OTOF: variants seen among roughly 807,000 people sequenced by gnomAD.
The protein encoded by OTOF is otoferlin.
OTOF carries 218 observed loss-of-function variants against 236.8 expected under a neutral mutation model. The observed-to-expected ratio is 0.92, with a 90% CI of 0.82 to 1.03. OTOF has a LOEUF of 1.03. Among genes scored for constraint, OTOF ranks in the 50% least tolerant of loss-of-function variants. The pLI, the probability that OTOF is intolerant of heterozygous loss-of-function variation, is 0.00. For missense variants in OTOF, 2,590 were observed against 2,694.4 expected (o/e 0.96, Z 0.86); for synonymous variants, 1,041 against 1,072.5 (o/e 0.97, Z 0.57).
intron 5 of OTOF, among the ~76,000 whole-genome samples, chr2:26,513,299 C>G (rs1455520223): frequency 3.3e-5 from 5 of 152,152 alleles, no homozygotes; most frequent in African/African-American, 1.2e-4. Context: ...AGAGTGAGGA[C>G]AGGATGAATG....
At chr2:26,541,855 C>A (rs1285684647) in intron 1 of OTOF, among the ~76,000 whole-genome samples, 3 of 152,156 alleles carry the variant, frequency 2.0e-5, no homozygotes, top group African/African-American at 7.2e-5. Context: ...TGTTGTGGAT[C>A]GAGTGAGAAG....
chr2:26,530,446 T>A (rs954867104), intron 2 of OTOF, among the ~76,000 whole-genome samples: 1 of 152,084 alleles, frequency 6.6e-6, no homozygotes, highest in Non-Finnish European at 1.5e-5. Flanking sequence ...GTCAGCCGGG[T>A]CTGGGCAGTC....
intron 11 of OTOF, among the ~76,000 whole-genome samples, chr2:26,487,619 T>C (rs1029034002): frequency 6.6e-6 from 1 of 152,194 alleles, no homozygotes; most frequent in African/African-American, 2.4e-5. Context: ...ACCAGGACTT[T>C]ACTACCCAGA....
chr2:26,496,085 C>T (rs1364847394), intron 8 of OTOF, among the ~76,000 whole-genome samples: 1 of 152,156 alleles, frequency 6.6e-6, no homozygotes, highest in African/African-American at 2.4e-5. Flanking sequence ...CTTTATGTGG[C>T]GTCCAGCTCT....
At chr2:26,521,097 C>T (rs1300237039) in intron 3 of OTOF, among the ~76,000 whole-genome samples, 1 of 152,214 alleles carries the variant, frequency 6.6e-6, no homozygotes, top group Admixed American at 6.5e-5. Flanking sequence ...CTGGCCCCGA[C>T]CCCAGGGCTC....
At chr2:26,480,657 G>A (rs2148056683) in intron 15 of OTOF, 129 bp downstream of exon 15, 1 of 769,324 alleles carries the variant, frequency 1.3e-6, no homozygotes, top group Middle Eastern at 3.5e-4. Context: ...CTGGGGAGAA[G>A]CCTTATCCTG....
At position 26,558,230 on chromosome 2, in the gene OTOF, C is replaced by G. The variant is rs556173469; in HGVS notation, c.79+263G>C. Among the ~76,000 whole-genome samples the G allele has an allele frequency of 2.0e-5, 3 of 152,184 alleles. No homozygotes were observed. The South Asian group carries it at 6.2e-4, about 32-fold the overall frequency. ...CTTCTGCCTCCCCAGGCAGAGGGCTCTGTGCCCTGCCCGGGGAACTGGCAT... is the reference window on the plus strand; with the variant it reads ...CTTCTGCCTCCCCAGGCAGAGGGCTGTGTGCCCTGCCCGGGGAACTGGCAT... On this transcript the variant is annotated intron_variant, in intron 1 of 46. Transcript: ENST00000272371.
chr2:26,507,029 C>T (rs1346721261), intron 5 of OTOF, among the ~76,000 whole-genome samples: 3 of 152,198 alleles, frequency 2.0e-5, no homozygotes, highest in Non-Finnish European at 4.4e-5. Flanking sequence ...GTCCAACTAT[C>T]TCTACTACAC....
intron 2 of OTOF, among the ~76,000 whole-genome samples, chr2:26,530,614 C>A (rs1251935143): frequency 6.6e-6 from 1 of 152,164 alleles, no homozygotes; most frequent in African/African-American, 2.4e-5. Context: ...GCATTTTCCA[C>A]CCACACGAGG....
chr2:26,471,226 G>C (rs1212955905), intron 30 of OTOF, 76 bp from the exon 31 acceptor site: 1 of 1,530,186 alleles, frequency 6.5e-7, no homozygotes, highest in African/African-American at 1.4e-5. Context: ...CTAGCACAGG[G>C]TGTGTGGAGG....
intron 2 of OTOF, among the ~76,000 whole-genome samples, chr2:26,535,798 C>T (rs1014919421): frequency 6.6e-6 from 1 of 152,168 alleles, no homozygotes; most frequent in Non-Finnish European, 1.5e-5. Flanking sequence ...TTGTTCAGGG[C>T]CAGCAGAGAC....
intron 4 of OTOF, 104 bp from the exon 5 acceptor site, chr2:26,516,703 G>T: frequency 1.6e-6 from 2 of 1,228,402 alleles, no homozygotes; most frequent in Non-Finnish European, 2.3e-6. Context: ...CCACACCCTT[G>T]CCTCACTGGA....
intron 7 of OTOF, 67 bp from the exon 8 acceptor site, chr2:26,501,875 C>T: frequency 8.6e-7 from 1 of 1,166,904 alleles, no homozygotes; most frequent in Non-Finnish European, 1.3e-6. Context: ...AGGACACTGG[C>T]AGTGGTTAGA....
intron 1 of OTOF, among the ~76,000 whole-genome samples, chr2:26,538,610 G>A (rs867308351): frequency 1.1e-4 from 16 of 152,160 alleles, no homozygotes; most frequent in East Asian, 3.9e-4. Context: ...AGGGCAGGTC[G>A]AGGGGGCTCC....
At chr2:26,491,346 C>G (rs768810577) in intron 9 of OTOF, among the ~76,000 whole-genome samples, 1 of 152,040 alleles carries the variant, frequency 6.6e-6, no homozygotes, top group Non-Finnish European at 1.5e-5. Context: ...GAGGACAACC[C>G]AAGTGGTCTG....
chr2:26,505,071 G>T (rs1666213437), intron 5 of OTOF, among the ~76,000 whole-genome samples: 1 of 152,048 alleles, frequency 6.6e-6, no homozygotes, highest in South Asian at 2.1e-4. Flanking sequence ...CTCTCCTCAG[G>T]ATTGTGGGGC....
At chr2:26,540,553 G>A (rs1019981876) in intron 1 of OTOF, among the ~76,000 whole-genome samples, 1 of 152,182 alleles carries the variant, frequency 6.6e-6, no homozygotes, top group Non-Finnish European at 1.5e-5. Context: ...GTCAGTGGTG[G>A]CCTCATCTGT....
rs1664276544 is a variant in OTOF at position 26,458,161 on chromosome 2, A to G, written c.*77T>C. The G allele has an allele frequency of 5.0e-6, 8 of 1,613,818 alleles. No homozygotes were observed. The highest frequency in any genetic ancestry group is 6.8e-6 in the Non-Finnish European group (8 of 1,179,910). Reference sequence around the variant, plus strand: ...GATGAGCCACTTGTACCGGGTGCAGATGAGGTACTTGATGGACTTGAGAGG... The same window carrying G: ...GATGAGCCACTTGTACCGGGTGCAGGTGAGGTACTTGATGGACTTGAGAGG... On this transcript the variant is annotated 3_prime_UTR_variant, in exon 47 of 47. Transcript: ENST00000272371.
intron 5 of OTOF, among the ~76,000 whole-genome samples, chr2:26,512,899 G>A (rs1666424796): frequency 6.6e-6 from 1 of 152,166 alleles, no homozygotes; most frequent in Admixed American, 6.5e-5. Flanking sequence ...AGGCATCCTT[G>A]AGCCCCATCT....
Sources: allele counts gnomAD v4.1 joint callset (sites outside exome capture counted in the v4.1 genomes callset), GRCh38; gene constraint gnomAD v4.1.1; transcripts MANE v1.5; gene names NCBI Gene and HGNC (gene_info 2026-07-23, HGNC 2026-07-21).